The following DENR variants were observed in gnomAD, a reference collection of about 807,000 sequenced individuals.
The protein encoded by DENR is density regulated re-initiation and release factor, also known as density-regulated protein.
Under a neutral mutation model 30.6 loss-of-function variants are expected in DENR, and 6 were observed. That is an observed-to-expected ratio of 0.20 (90% confidence interval 0.11 to 0.39). DENR has a LOEUF of 0.39. DENR is among the 10% of genes least tolerant of loss of function. The probability of loss-of-function intolerance (pLI) is 1.00; values close to 1 mark genes in which losing one functional copy is unlikely to be tolerated. For missense variants in DENR, 141 were observed against 230.9 expected (o/e 0.61, Z 2.52); for synonymous variants, 78 against 72.1 (o/e 1.08, Z -0.41).
Position 122,767,594 on chromosome 12 carries a change from T to G in DENR, c.402T>G (p.Leu134=), listed in dbSNP as rs764224888. The part of the protein sequence containing the change: ...KKKYVTRVCG[L]ATFEIDLKEA... The stretch of plus-strand genomic sequence containing the variant: ...AATATGTGACAAGAGTATGTGGCCT[T>G]GCAACTTTTGGTGAGTTCAGGCTTA... Residue 134 remains leucine, a synonymous_variant, in exon 6 of 8, where the codon CTT becomes CTG. Coordinates refer to ENST00000280557, the MANE Select transcript of DENR (RefSeq NM_003677.5). 3.1e-6 allele frequency: 5 copies of G among 1,589,064 alleles called. No homozygotes were observed. The highest frequency in any genetic ancestry group is 3.3e-4 in the Middle Eastern group (2 of 5,996).
intron 5 of DENR, among the ~76,000 whole-genome samples, 185 bp downstream of exon 5, chr12:122,765,572 G>A (rs913894108): frequency 6.6e-6 from 1 of 152,190 alleles, no homozygotes; most frequent in African/African-American, 2.4e-5. Flanking sequence ...TGCAATGATC[G>A]TTCCTCCACA....
intron 2 of DENR, chr12:122,754,354 T>G (rs1304355945): frequency 6.4e-6 from 1 of 155,044 alleles, no homozygotes; most frequent in Non-Finnish European, 1.4e-5. Context: ...GATATATGTA[T>G]TAGGTTTAAT....
intron 2 of DENR, among the ~76,000 whole-genome samples, chr12:122,757,981 T>C: frequency 6.6e-6 from 1 of 152,234 alleles, no homozygotes; most frequent in East Asian, 1.9e-4. Flanking sequence ...TTAGTGATTT[T>C]GGTGACTGTT....
chr12:122,755,389 C>T (rs1593758846), intron 2 of DENR, among the ~76,000 whole-genome samples: 1 of 151,980 alleles, frequency 6.6e-6, no homozygotes, highest in South Asian at 2.1e-4. Flanking sequence ...ACCAGCCTGG[C>T]CAACATAGTG....
chr12:122,760,935 G>A (rs546718862), intron 2 of DENR, among the ~76,000 whole-genome samples: 4 of 152,152 alleles, frequency 2.6e-5, no homozygotes, highest in Non-Finnish European at 4.4e-5. Flanking sequence ...GCAACATAGC[G>A]AGATCCCGTC....
chr12:122,762,989 A>G (rs559996811), intron 4 of DENR, 60 bp downstream of exon 4: 109 of 934,696 alleles, frequency 1.2e-4, no homozygotes, highest in Non-Finnish European at 1.7e-4. Flanking sequence ...CATGTATGGC[A>G]TTATTCTAAA....
intron 2 of DENR, among the ~76,000 whole-genome samples, chr12:122,760,599 C>T (rs1878672785): frequency 6.6e-6 from 1 of 152,072 alleles, no homozygotes; most frequent in South Asian, 2.1e-4. Flanking sequence ...GGCGCGGTGG[C>T]GGGCACCTGT....
rs76920270 is a variant in DENR at position 122,770,383 on chromosome 12, G to A, written c.*1305G>A. 1,431 of 377,032 alleles carry A rather than the reference G, an allele frequency of 3.8e-3. 15 individuals are homozygous for A. The highest frequency in any genetic ancestry group is 0.026 in the African/African-American group (1,272 of 48,376). The allele number at this position is 377,032 out of a possible 1,614,324, so 23.4% of individuals were successfully genotyped here. A position where few individuals can be genotyped will look rare whatever the true frequency, so the allele number is the denominator to read the frequency against. The stretch of plus-strand genomic sequence containing the variant: ...ATTATTTGGAAGCATGTTTGGTAAT[G>A]TCAAGTGGAGTACCCCAGATACATT... On this transcript the variant is annotated 3_prime_UTR_variant, in exon 8 of 8. Coordinates refer to ENST00000280557, the MANE Select transcript of DENR (RefSeq NM_003677.5).
At position 122,769,652 on chromosome 12, in the gene DENR, G is replaced by A. The variant is rs1174577793; in HGVS notation, c.*574G>A. ...CTCCCAAGTAGGTGGGATTACAGGC[G>A]CCCGCCACCACGCCCAGCTAATTTT... On this transcript the variant is annotated 3_prime_UTR_variant, in exon 8 of 8. Transcript: ENST00000280557. 5.6e-5 allele frequency: 11 copies of A among 194,934 alleles called. No individual in the cohort carries two copies. Among genetic ancestry groups the A allele is most frequent in the African/African-American group, 1.4e-4 (6 of 41,774 alleles). 12.1% of individuals were successfully genotyped at this position (194,934 alleles called of 1,614,324 possible). A position where few individuals can be genotyped will look rare whatever the true frequency, so the allele number is the denominator to read the frequency against.
In DENR at chr12:122,752,863, G is replaced by GCC. The variant is rs1878438691; in HGVS notation, c.-95_-94dup. 6.6e-6 allele frequency: 1 copy of GCC among 152,494 alleles called. No homozygotes were observed. Among genetic ancestry groups the GCC allele is most frequent in the Non-Finnish European group, 1.5e-5 (1 of 68,240 alleles). The allele number at this position is 152,494 out of a possible 1,614,324, so 9.4% of individuals were successfully genotyped here. A position where few individuals can be genotyped will look rare whatever the true frequency, so the allele number is the denominator to read the frequency against. ...CTGCTGGCGGTCGGGCGCTCGGGCG[G>GCC]CCCTGGCCGGGGAGACGAGTTGCAT... On this transcript the variant is annotated 5_prime_UTR_variant, in exon 1 of 8. Transcript: ENST00000280557.
intron 2 of DENR, among the ~76,000 whole-genome samples, chr12:122,757,234 C>T (rs991247561): frequency 2.0e-5 from 3 of 152,172 alleles, no homozygotes; most frequent in Non-Finnish European, 4.4e-5. Flanking sequence ...CAGCTAAAGT[C>T]TGGGGTTTCA....
At chr12:122,763,176 C>G (rs1309100281) in intron 4 of DENR, 2 of 291,290 alleles carry the variant, frequency 6.9e-6, no homozygotes, top group Non-Finnish European at 1.3e-5. Flanking sequence ...CTGAGGCAGG[C>G]GGATCACAAG....
chr12:122,760,820 T>C lies in DENR; in HGVS notation c.107-1367T>C, dbSNP rs115362859. On this transcript the variant is annotated intron_variant, in intron 2 of 7. Coordinates refer to ENST00000280557, the MANE Select transcript of DENR (RefSeq NM_003677.5). ...AAGCTTTTCCAGTTCTTCTAGTCCA[T>C]TATTAGCCTGTACAGGCTCTAACAC... 2.4e-3 allele frequency among the ~76,000 whole-genome samples: 367 copies of C among 152,346 alleles called. 1 individual carries two copies. The highest frequency in any genetic ancestry group is 8.4e-3 in the African/African-American group (350 of 41,594).
chr12:122,761,751 G>A (rs908292089), intron 2 of DENR, among the ~76,000 whole-genome samples: 1 of 152,240 alleles, frequency 6.6e-6, no homozygotes, highest in South Asian at 2.1e-4. Flanking sequence ...AGGGGTGGAG[G>A]CTGCATTGAG....
At chr12:122,759,011 AT>A (rs532443018) in intron 2 of DENR, among the ~76,000 whole-genome samples, 1 of 151,728 alleles carries the variant, frequency 6.6e-6, no homozygotes, top group Non-Finnish European at 1.5e-5. Context: ...CACCCGGCTA[AT>A]TTTTGTATTT....
At chr12:122,766,050 CAA>C (rs76384418) in intron 5 of DENR, among the ~76,000 whole-genome samples, 4 of 133,114 alleles carry the variant, frequency 3.0e-5, no homozygotes, top group African/African-American at 2.7e-5. Flanking sequence ...TTTGCATCTT[CAA>C]AAAAAAAAAA....
At chr12:122,757,406 A>G (rs1878579193) in intron 2 of DENR, among the ~76,000 whole-genome samples, 1 of 152,254 alleles carries the variant, frequency 6.6e-6, no homozygotes, top group Admixed American at 6.5e-5. Context: ...CTAATTGTAT[A>G]CTAGAGGGGT....
At chr12:122,756,397 C>T (rs556138309) in intron 2 of DENR, among the ~76,000 whole-genome samples, 19 of 152,196 alleles carry the variant, frequency 1.2e-4, no homozygotes, top group Non-Finnish European at 5.9e-5. Context: ...TGCAGTGAGC[C>T]AAGATCGTGC....
chr12:122,757,360 G>A (rs1393438025), intron 2 of DENR, among the ~76,000 whole-genome samples: 1 of 152,112 alleles, frequency 6.6e-6, no homozygotes, highest in Non-Finnish European at 1.5e-5. Context: ...AGCTTAACTG[G>A]GAAGACAAAC....
Sources: allele counts gnomAD v4.1 joint callset (sites outside exome capture counted in the v4.1 genomes callset), GRCh38; gene constraint gnomAD v4.1.1; transcripts MANE v1.5; gene names NCBI Gene and HGNC (gene_info 2026-07-23, HGNC 2026-07-21).